Variants in OTOP1 observed in about 807,000 individuals in gnomAD.
The protein encoded by OTOP1 is otopetrin 1, also known as proton channel OTOP1.
A neutral mutation model predicts 52.9 loss-of-function variants in OTOP1; 59 were observed. The ratio of observed to expected loss-of-function variants is 1.12; its 90% CI spans 0.91 to 1.39. The LOEUF (loss-of-function observed/expected upper bound fraction) is 1.39. Ranked by LOEUF, OTOP1 falls within the 40% of genes most tolerant of loss-of-function variation. The probability of loss-of-function intolerance (pLI) is 0.00; values close to 1 mark genes in which losing one functional copy is unlikely to be tolerated. For synonymous variants in OTOP1, 317 were observed against 337.7 expected, an observed-to-expected ratio of 0.94 and a Z score of 0.67; for missense variants, 761 against 800.9, an observed-to-expected ratio of 0.95 and a Z score of 0.60.
chr4:4,201,457 TAA>T (rs1199262743), intron 4 of OTOP1, among the ~76,000 whole-genome samples: 4 of 101,060 alleles, frequency 4.0e-5, no homozygotes, highest in African/African-American at 1.1e-4. Context: ...AATAAATAAA[TAA>T]ATATATATAT....
At position 4,197,279 on chromosome 4, in the gene OTOP1, TCTC is replaced by T. The variant is rs1218283707; in HGVS notation, c.1552_1554del (p.Glu518del). On this transcript the variant is annotated inframe_deletion, in exon 5 of 6. Transcript: ENST00000296358. The stretch of plus-strand genomic sequence containing the variant: ...GGGCTTGGGCTCCCTCCCCAGCTGC[TCTC>T]CTCCTGCTTCTCCTCCTCCTTGTCA... 10 of 1,614,116 alleles carry T rather than the reference TCTC, an allele frequency of 6.2e-6. No individual in the cohort carries two copies. The highest frequency in any genetic ancestry group is 1.7e-5 in the Admixed American group (1 of 60,022).
In OTOP1 at chr4:4,197,580, G is replaced by T. The variant is rs1294750154; in HGVS notation, c.1254C>A (p.His418Gln). The T allele has an allele frequency of 1.9e-6, 3 of 1,614,084 alleles. No homozygotes were observed. Among genetic ancestry groups the T allele is most frequent in the East Asian group, 2.2e-5 (1 of 44,882 alleles). The change falls in exon 5 of 6, where the codon CAC becomes CAA. Residue 418 changes from histidine (H) to glutamine (Q), a missense_variant. Physicochemically the swap from His to Gln is conservative, Grantham distance 24. This residue lies in a region of OTOP1 where 632 missense variants were observed against 619.5 expected (regional missense o/e 1.02). Coordinates refer to ENST00000296358, the MANE Select transcript of OTOP1 (RefSeq NM_177998.3). The stretch of plus-strand genomic sequence containing the variant: ...GCAGGTTGTACCAGGTGTAGCGGGG[G>T]TGGCCCTCAGCACAGAGGATGGCCA... ...SILAILCAEG[H>Q]PRYTWYNLPY...
intron 4 of OTOP1, among the ~76,000 whole-genome samples, chr4:4,200,845 A>G (rs939675352): frequency 2.0e-5 from 3 of 151,606 alleles, no homozygotes; most frequent in Non-Finnish European, 4.4e-5. Flanking sequence ...GGCATGAGTC[A>G]CTGCCCCCGA....
intron 2 of OTOP1, among the ~76,000 whole-genome samples, chr4:4,208,633 T>C (rs1716960101): frequency 6.6e-6 from 1 of 151,736 alleles, no homozygotes; most frequent in South Asian, 2.1e-4. Flanking sequence ...GAGGAGGAAA[T>C]AGAGAGTTGT....
In OTOP1 at chr4:4,198,403, T is replaced by TAC. The variant is rs539266855; in HGVS notation, c.731-302_731-301dup. On this transcript the variant is annotated intron_variant, in intron 4 of 5. Transcript: ENST00000296358. ...TGTAGATGATAGATAGATAGATGGA[T>TAC]ACACACACACACAGACAGACGGAAA... Among the ~76,000 whole-genome samples the TAC allele has an allele frequency of 3.5e-3, 529 of 151,782 alleles. 2 individuals carry two copies. Among genetic ancestry groups the TAC allele is most frequent in the African/African-American group, 0.012 (492 of 41,386 alleles).
At chr4:4,216,525 C>G (rs2117283) in intron 1 of OTOP1, among the ~76,000 whole-genome samples, 145,557 of 152,322 alleles carry the variant, frequency 0.96, 69,619 homozygotes, top group East Asian at 1. Flanking sequence ...TCTCCAGCCT[C>G]AGAAGCCTCC....
At chr4:4,213,976 G>A (rs180918954) in intron 1 of OTOP1, among the ~76,000 whole-genome samples, 1 of 152,140 alleles carries the variant, frequency 6.6e-6, no homozygotes, top group African/African-American at 2.4e-5. Context: ...TATAATCCCA[G>A]CTACTTGGGA....
At chr4:4,208,266 T>C (rs1361555885) in intron 2 of OTOP1, among the ~76,000 whole-genome samples, 4 of 152,362 alleles carry the variant, frequency 2.6e-5, no homozygotes, top group South Asian at 2.1e-4. Context: ...GGGAGGTTTG[T>C]AGCTTTTTAA....
At position 4,226,616 on chromosome 4, in the gene OTOP1, G is replaced by C. The variant is rs760192395; in HGVS notation, c.249C>G (p.His83Gln). The change falls in exon 1 of 6, where the codon CAC (histidine) becomes CAG (glutamine). Residue 83 changes from histidine to glutamine, a missense_variant. Around this residue, in one of 3 missense-constraint regions of OTOP1, gnomAD observed 56 missense variants for 105.6 expected, o/e 0.53. Coordinates refer to ENST00000296358, the MANE Select transcript of OTOP1 (RefSeq NM_177998.3). ...GGTCGCTCTTGCTCACGCCCGCGGC[G>C]TGCACGGCCCAGGCCAGCAGCAGCA... ...GLLLLLAWAV[H>Q]AAGVSKSDLL... 1 of 1,597,932 alleles carries C rather than the reference G, an allele frequency of 6.3e-7. No homozygotes were observed. Among genetic ancestry groups the C allele is most frequent in the African/African-American group, 1.4e-5 (1 of 73,620 alleles).
chr4:4,219,483 G>A, intron 1 of OTOP1, among the ~76,000 whole-genome samples: 1 of 151,712 alleles, frequency 6.6e-6, no homozygotes, highest in East Asian at 1.9e-4. Context: ...GGGCGGATCA[G>A]GATGTCGGGA....
At chr4:4,201,174 A>G (rs1290650027) in intron 4 of OTOP1, among the ~76,000 whole-genome samples, 2 of 152,114 alleles carry the variant, frequency 1.3e-5, no homozygotes, top group African/African-American at 4.8e-5. Flanking sequence ...CATGCCTGTA[A>G]TCCCAACACT....
chr4:4,215,520 G>T (rs192878027), intron 1 of OTOP1, among the ~76,000 whole-genome samples: 2 of 151,978 alleles, frequency 1.3e-5, no homozygotes, highest in African/African-American at 4.8e-5. Context: ...AAATTAGCGG[G>T]TGTGGTGGTA....
Position 4,226,846 on chromosome 4 carries a change from A to C in OTOP1, c.19T>G (p.Ser7Ala). ...GCAGCTGCCCGGGGCGAGGCGGGCG[A>C]CCCCAGGCCCTCGAGCATCTTCGAG... is the stretch of plus-strand genomic sequence containing the variant. MLEGLG[S>A]PASPRAAASA... is the part of the protein sequence containing the mutation. Residue 7 changes from serine (S) to alanine (A), a missense_variant, in exon 1 of 6, where the codon TCG (serine) becomes GCG (alanine). Transcript: ENST00000296358. The C allele has an allele frequency of 7.5e-7, 1 of 1,333,412 alleles. No homozygotes were observed. The highest frequency in any genetic ancestry group is 9.6e-7 in the Non-Finnish European group (1 of 1,046,820). 82.6% of individuals were successfully genotyped at this position (1,333,412 alleles called of 1,614,324 possible).
chr4:4,188,814 A>T lies in OTOP1; in HGVS notation c.1828T>A (p.Cys610Ser). The T allele has an allele frequency of 6.2e-7, 1 of 1,613,094 alleles. No individual in the cohort carries two copies. Among genetic ancestry groups the T allele is most frequent in the Non-Finnish European group, 8.5e-7 (1 of 1,179,448 alleles). The change falls in exon 6 of 6, where the codon TGT (cysteine) becomes AGT (serine). Residue 610 changes from cysteine to serine, a missense_variant. Physicochemically the swap from Cys to Ser is moderately radical, Grantham distance 112 (BLOSUM62 -1). Around this residue, in one of 3 missense-constraint regions of OTOP1, gnomAD observed 632 missense variants for 619.5 expected, o/e 1.02. Transcript: ENST00000296358. ...CTTGTGGACCCAGACTATATCTTAC[A>T]ATAGACCTCAAAGAGGGAGGCAGCT... ...HAAASLFEVY[C>S]KI
chr4:4,226,524 C>G lies in OTOP1; in HGVS notation c.341G>C (p.Ser114Thr), dbSNP rs371584407. Residue 114 changes from serine (S) to threonine (T), a missense_variant, in exon 1 of 6, where the codon AGC becomes ACC. Around this residue, in one of 3 missense-constraint regions of OTOP1, gnomAD observed 56 missense variants for 105.6 expected, o/e 0.53. Coordinates refer to ENST00000296358, the MANE Select transcript of OTOP1 (RefSeq NM_177998.3). ...LLWMLWYVGRSSAHRRLFRLK... is the reference protein window; with the variant it reads ...LLWMLWYVGRTSAHRRLFRLK... ...GCGGAAGAGGCGGCGGTGCGCGGAG[C>G]TGCGGCCCACGTACCACAGCATCCA... 1,700 of 1,596,226 alleles carry G rather than the reference C, an allele frequency of 1.1e-3. 8 individuals are homozygous for G. In the South Asian group the frequency reaches 0.018, roughly 17 times the overall value.
intron 1 of OTOP1, among the ~76,000 whole-genome samples, chr4:4,224,170 A>C (rs1717369084): frequency 1.3e-5 from 2 of 151,936 alleles, no homozygotes; most frequent in Admixed American, 1.3e-4. Context: ...AACATGATGA[A>C]ACCCCGTCTC....
At chr4:4,218,357 A>C (rs1262075010) in intron 1 of OTOP1, among the ~76,000 whole-genome samples, 1 of 148,482 alleles carries the variant, frequency 6.7e-6, no homozygotes, top group Non-Finnish European at 1.5e-5. Context: ...GCGCCATTGC[A>C]CTCCAGCATG....
At chr4:4,226,424 A>T in intron 1 of OTOP1, 38 bp downstream of exon 1, 1 of 1,391,778 alleles carries the variant, frequency 7.2e-7, no homozygotes, top group Non-Finnish European at 9.3e-7. Flanking sequence ...CCAGCGGGCG[A>T]GGAGGCGGAG....
At chr4:4,219,920 C>CACATATATAT (rs1717247743) in intron 1 of OTOP1, among the ~76,000 whole-genome samples, 1 of 136,058 alleles carries the variant, frequency 7.3e-6, no homozygotes, top group Non-Finnish European at 1.5e-5. Flanking sequence ...TGTGTATATA[C>CACATATATAT]GTATACATGT....
Sources: allele counts gnomAD v4.1 joint callset (sites outside exome capture counted in the v4.1 genomes callset), GRCh38; gene constraint gnomAD v4.1.1; regional missense constraint gnomAD v4.1.1; transcripts MANE v1.5; gene names NCBI Gene and HGNC (gene_info 2026-07-23, HGNC 2026-07-21).